The following GLT1D1 variants were observed in gnomAD, a reference collection of about 807,000 sequenced individuals.
GLT1D1 encodes glycosyltransferase 1 domain-containing protein 1.
In GLT1D1, 21 loss-of-function variants were observed where a neutral mutation model predicts 28.7. The ratio of observed to expected loss-of-function variants is 0.73; its 90% CI spans 0.52 to 1.05. GLT1D1 has a LOEUF of 1.05. Ranked by LOEUF, GLT1D1 falls within the 50% of genes least tolerant of loss-of-function variation. GLT1D1 has a pLI of 0.00. For missense variants in GLT1D1, 343 were observed against 330.6 expected (o/e 1.04, Z -0.29); for synonymous variants, 147 against 124.8 (o/e 1.18, Z -1.19).
chr12:128,963,779 T>G (rs962405065), intron 7 of GLT1D1, among the ~76,000 whole-genome samples: 6 of 152,190 alleles, frequency 3.9e-5, no homozygotes, highest in Non-Finnish European at 8.8e-5. Context: ...AGCCAGGTCC[T>G]GAAGGTGAAG....
intron 4 of GLT1D1, among the ~76,000 whole-genome samples, chr12:128,925,226 T>C (rs889850720): frequency 6.6e-6 from 1 of 152,126 alleles, no homozygotes; most frequent in African/African-American, 2.4e-5. Flanking sequence ...GATGTGCAGG[T>C]TTATTATGTA....
chr12:128,857,955 G>T (rs564342413), intron 1 of GLT1D1, among the ~76,000 whole-genome samples: 2 of 152,278 alleles, frequency 1.3e-5, no homozygotes, highest in South Asian at 2.1e-4. Context: ...AAGCCTTCTC[G>T]TGCCTTCCAA....
intron 3 of GLT1D1, among the ~76,000 whole-genome samples, chr12:128,890,270 T>C (rs1868889127): frequency 6.6e-6 from 1 of 152,208 alleles, no homozygotes; most frequent in Admixed American, 6.5e-5. Context: ...ATCAGAACAC[T>C]CATTCTGTTT....
At position 128,927,213 on chromosome 12, in the gene GLT1D1, T is replaced by C. The variant is rs2135917798; in HGVS notation, c.376-18113T>C. On this transcript the variant is annotated intron_variant, in intron 4 of 7. Coordinates refer to ENST00000281703, the MANE Select transcript of GLT1D1 (RefSeq NM_144669.3). Reference sequence around the variant, plus strand: ...TCTGTTTTCCTCTATATACTTTTTATGTATTTTCTACAATCAGTTTACATT... The same window carrying C: ...TCTGTTTTCCTCTATATACTTTTTACGTATTTTCTACAATCAGTTTACATT... The C allele has an allele frequency of 6.4e-6, 8 of 1,253,280 alleles. No homozygotes were observed. The South Asian group carries it at 1.0e-4, about 16-fold the overall frequency. The allele number at this position is 1,253,280 out of a possible 1,614,324, so 77.6% of individuals were successfully genotyped here. A position where few individuals can be genotyped will look rare whatever the true frequency, so the allele number is the denominator to read the frequency against.
intron 7 of GLT1D1, among the ~76,000 whole-genome samples, chr12:128,978,860 C>G (rs470611): frequency 0.8 from 121,973 of 152,090 alleles, 48,961 homozygotes; most frequent in African/African-American, 0.85. Context: ...AATTTCCTGA[C>G]GTTGCCATAG....
intron 4 of GLT1D1, among the ~76,000 whole-genome samples, chr12:128,923,921 T>C (rs1872914136): frequency 6.6e-6 from 1 of 151,898 alleles, no homozygotes. Flanking sequence ...TATTACAAAA[T>C]TAAACATATT....
At chr12:128,911,178 C>T (rs1452721268) in intron 4 of GLT1D1, among the ~76,000 whole-genome samples, 1 of 152,200 alleles carries the variant, frequency 6.6e-6, no homozygotes, top group African/African-American at 2.4e-5. Flanking sequence ...GATTTGCCTG[C>T]CTCGGCCTCC....
chr12:128,881,223 CAA>C (rs35871795), intron 2 of GLT1D1, among the ~76,000 whole-genome samples: 5,784 of 73,514 alleles, frequency 0.079, 240 homozygotes, highest in Admixed American at 0.15. Context: ...GACTCCGTTT[CAA>C]AAAAAAAAAA....
At chr12:128,855,493 G>A (rs1025675207) in intron 1 of GLT1D1, among the ~76,000 whole-genome samples, 1 of 152,106 alleles carries the variant, frequency 6.6e-6, no homozygotes, top group Non-Finnish European at 1.5e-5. Context: ...TTGAGCCCAG[G>A]AGGTTGAGGC....
At chr12:128,924,225 G>C (rs1049249337) in intron 4 of GLT1D1, among the ~76,000 whole-genome samples, 10 of 151,844 alleles carry the variant, frequency 6.6e-5, no homozygotes, top group African/African-American at 2.4e-4. Context: ...TCAGGAGTTC[G>C]AGACCAGCCT....
chr12:128,930,883 GCTT>G (rs1195081526), intron 4 of GLT1D1, among the ~76,000 whole-genome samples: 4 of 152,270 alleles, frequency 2.6e-5, no homozygotes, highest in Admixed American at 2.0e-4. Context: ...TTTCTTAATG[GCTT>G]CTTAAGTAAT....
At position 128,853,636 on chromosome 12, in the gene GLT1D1, G is replaced by A; in HGVS notation, c.55G>A (p.Ala19Thr). Residue 19 changes from alanine to threonine, a missense_variant, in exon 1 of 8, where the codon GCC becomes ACC. Transcript: ENST00000281703. ...GCCACACACCGGCAACGCGGTCACG[G>A]CCCAGCGCGTTCGGTAGGTGCAGGG... 1.7e-6 allele frequency: 2 copies of A among 1,169,396 alleles called. No individual in the cohort carries two copies. Among genetic ancestry groups the A allele is most frequent in the South Asian group, 2.5e-5 (1 of 40,526 alleles). 72.4% of individuals were successfully genotyped at this position (1,169,396 alleles called of 1,614,324 possible).
rs186659346 is a variant in GLT1D1, at chr12:128,898,274, G to A, written c.324-962G>A. Among the ~76,000 whole-genome samples the A allele has an allele frequency of 3.4e-3, 514 of 151,708 alleles. 1 individual carries two copies. Among genetic ancestry groups the A allele is most frequent in the Non-Finnish European group, 4.8e-3 (327 of 67,906 alleles). ...TGCAGCCTTGACATCCCAGGCTCAA[G>A]CGATCCTCCTGCCTCAGCCTCCTGA... is the stretch of plus-strand genomic sequence containing the variant. On this transcript the variant is annotated intron_variant, in intron 3 of 7. Coordinates refer to ENST00000281703, the MANE Select transcript of GLT1D1 (RefSeq NM_144669.3).
At chr12:128,960,202 C>T (rs1471689923) in intron 7 of GLT1D1, among the ~76,000 whole-genome samples, 1 of 152,110 alleles carries the variant, frequency 6.6e-6, no homozygotes, top group African/African-American at 2.4e-5. Context: ...AAAAATAGAA[C>T]TCTTCTGGTT....
At chr12:128,954,100 G>A (rs1204623806) in intron 6 of GLT1D1, among the ~76,000 whole-genome samples, 1 of 149,848 alleles carries the variant, frequency 6.7e-6, no homozygotes, top group African/African-American at 2.5e-5. Context: ...TGGTCCTAAG[G>A]TCACCTGTTT....
chr12:128,942,084 C>CT (rs1190397271), intron 4 of GLT1D1, among the ~76,000 whole-genome samples: 1,918 of 144,084 alleles, frequency 0.013, 47 homozygotes, highest in African/African-American at 0.043. Flanking sequence ...CATGTGTCTT[C>CT]TTTTTTTTTT....
chr12:128,954,544 GTCACTA>G (rs1267531488), intron 6 of GLT1D1, among the ~76,000 whole-genome samples: 2 of 152,194 alleles, frequency 1.3e-5, no homozygotes, highest in Non-Finnish European at 2.9e-5. Context: ...CCTGGGACAG[GTCACTA>G]TGCTCTATAA....
intron 4 of GLT1D1, among the ~76,000 whole-genome samples, chr12:128,913,641 C>G (rs535005264): frequency 3.3e-5 from 5 of 152,334 alleles, no homozygotes; most frequent in African/African-American, 1.2e-4. Flanking sequence ...AGGCTGAGGC[C>G]AGGCGTTCGG....
At chr12:128,956,504 T>A (rs537849280) in intron 6 of GLT1D1, among the ~76,000 whole-genome samples, 3 of 152,186 alleles carry the variant, frequency 2.0e-5, no homozygotes. Context: ...TCAGAGACCA[T>A]CTGTATCCTG....
Sources: gnomAD v4.1 joint callset for allele counts (sites outside exome capture counted in the v4.1 genomes callset) on GRCh38, gnomAD v4.1.1 for gene constraint, MANE v1.5 for transcripts, NCBI Gene and HGNC (gene_info 2026-07-23, HGNC 2026-07-21) for gene names.